The following MTX2 variants were observed in gnomAD, a reference collection of about 807,000 sequenced individuals.
MTX2 encodes metaxin 2.
MTX2 carries 35 observed loss-of-function variants against 42.3 expected under a neutral mutation model. That is an observed-to-expected ratio of 0.83 (90% CI 0.63 to 1.10). The LOEUF is 1.10. MTX2 is among the 50% of genes least tolerant of loss of function. The pLI is 0.00. For missense variants in MTX2, 307 were observed against 304.1 expected (o/e 1.01, Z -0.07); for synonymous variants, 119 against 100.9 (o/e 1.18, Z -1.08).
At chr2:176,275,982 G>A (rs889626536) in intron 1 of MTX2, among the ~76,000 whole-genome samples, 4 of 152,160 alleles carry the variant, frequency 2.6e-5, no homozygotes, top group African/African-American at 9.7e-5. Flanking sequence ...GTCTAACCTG[G>A]GTTCTTATTC....
chr2:176,296,788 G>A, intron 1 of MTX2, 72 bp from the exon 2 acceptor site: 2 of 1,467,506 alleles, frequency 1.4e-6, no homozygotes, highest in South Asian at 2.3e-5. Context: ...AAATGTACAT[G>A]CTTATTAATT....
chr2:176,333,506 A>G (rs1684908390), intron 9 of MTX2, among the ~76,000 whole-genome samples: 1 of 151,690 alleles, frequency 6.6e-6, no homozygotes, highest in Admixed American at 6.6e-5. Flanking sequence ...ATCAACTAAA[A>G]TATTATTTGT....
chr2:176,328,766 G>T (rs577240538), intron 6 of MTX2, 108 bp from the exon 7 acceptor site: 2 of 1,009,186 alleles, frequency 2.0e-6, no homozygotes, highest in East Asian at 4.8e-5. Flanking sequence ...CGCTACATGT[G>T]TGACTTATGA....
chr2:176,315,262 C>T (rs1274092375), intron 3 of MTX2, among the ~76,000 whole-genome samples: 3 of 152,214 alleles, frequency 2.0e-5, no homozygotes, highest in Non-Finnish European at 4.4e-5. Context: ...CCACCAAAAA[C>T]TGCTCACCCC....
At chr2:176,289,911 A>G (rs1236681061) in intron 1 of MTX2, among the ~76,000 whole-genome samples, 1 of 152,100 alleles carries the variant, frequency 6.6e-6, no homozygotes, top group Non-Finnish European at 1.5e-5. Flanking sequence ...GTAATTGAGA[A>G]GCCAAGTTTT....
chr2:176,335,512 C>T (rs1253602717), intron 9 of MTX2, among the ~76,000 whole-genome samples: 2 of 151,924 alleles, frequency 1.3e-5, no homozygotes, highest in Non-Finnish European at 2.9e-5. Context: ...AGCAGTAAGA[C>T]ACTTTAGGAG....
At chr2:176,326,763 A>G in intron 4 of MTX2, 62 bp from the exon 5 acceptor site, 1 of 1,061,184 alleles carries the variant, frequency 9.4e-7, no homozygotes, top group Non-Finnish European at 1.3e-6. Context: ...ATTTTTTTTA[A>G]TTATCACAAA....
At chr2:176,322,979 A>G (rs1440684414) in intron 3 of MTX2, among the ~76,000 whole-genome samples, 1 of 151,890 alleles carries the variant, frequency 6.6e-6, no homozygotes, top group Non-Finnish European at 1.5e-5. Context: ...GTTTTCCTCT[A>G]AAATGAGGAA....
chr2:176,301,832 A>T (rs1206593800), intron 3 of MTX2, among the ~76,000 whole-genome samples: 2 of 152,152 alleles, frequency 1.3e-5, no homozygotes, highest in African/African-American at 4.8e-5. Context: ...TTGAAATGGG[A>T]TAAAGATAGT....
intron 1 of MTX2, 57 bp downstream of exon 1, chr2:176,269,726 G>C (rs1040784126): frequency 7.8e-6 from 12 of 1,546,456 alleles, no homozygotes; most frequent in Middle Eastern, 2.2e-4. Context: ...GGAGCCGCGT[G>C]GGGTACAGGG....
chr2:176,272,247 G>A (rs2105390391), intron 1 of MTX2, among the ~76,000 whole-genome samples: 1 of 152,106 alleles, frequency 6.6e-6, no homozygotes, highest in African/African-American at 2.4e-5. Context: ...AGGCTGAGGG[G>A]GACAGAGGTG....
At chr2:176,317,807 T>C (rs1257038254) in intron 3 of MTX2, among the ~76,000 whole-genome samples, 1 of 152,114 alleles carries the variant, frequency 6.6e-6, no homozygotes, top group Non-Finnish European at 1.5e-5. Context: ...TCCCTCTAGC[T>C]CAGTTTCTCC....
rs540927606 is a variant in MTX2, at chr2:176,294,699, A to G, written c.41-2161A>G. Among the ~76,000 whole-genome samples, 34 of 152,366 alleles carry G rather than the reference A, an allele frequency of 2.2e-4. 1 individual carries two copies. The South Asian group carries it at 6.0e-3, about 27-fold the overall frequency. ...AGAGAACACTTAAATCATATTCAGC[A>G]TATGTTTAATGCTAGTGTATGTAAA... is the stretch of plus-strand genomic sequence containing the variant. On this transcript the variant is annotated intron_variant, in intron 1 of 9. Coordinates refer to ENST00000249442, the MANE Select transcript of MTX2 (RefSeq NM_006554.5).
chr2:176,316,379 T>C (rs1031210080), intron 3 of MTX2, among the ~76,000 whole-genome samples: 2 of 152,204 alleles, frequency 1.3e-5, no homozygotes, highest in South Asian at 2.1e-4. Flanking sequence ...CCTTGCTCTT[T>C]ATTTTATTTA....
intron 3 of MTX2, among the ~76,000 whole-genome samples, chr2:176,305,400 G>A (rs567805522): frequency 1.6e-4 from 25 of 152,046 alleles, no homozygotes; most frequent in Non-Finnish European, 3.1e-4. Context: ...TTCATTGAGT[G>A]CTAACTATGT....
chr2:176,322,177 A>G (rs1427671082), intron 3 of MTX2, among the ~76,000 whole-genome samples: 1 of 152,082 alleles, frequency 6.6e-6, no homozygotes, highest in Admixed American at 6.6e-5. Flanking sequence ...GAGAAAACAG[A>G]AGAGAATTGA....
chr2:176,327,363 T>C (rs1684733008), intron 5 of MTX2, among the ~76,000 whole-genome samples: 1 of 151,032 alleles, frequency 6.6e-6, no homozygotes, highest in Non-Finnish European at 1.5e-5. Flanking sequence ...CAACTCCCAT[T>C]AGTGTTTCTG....
rs1041397256 is a variant in MTX2, at chr2:176,309,807, T to C, written c.135+11912T>C. On this transcript the variant is annotated intron_variant, in intron 3 of 9. Transcript: ENST00000249442. ...TTGAGCCTGTGTGCCTCTTTGCACA[T>C]GAGATGCATCTCCTGAATACAGCAC... is the stretch of plus-strand genomic sequence containing the variant. Among the ~76,000 whole-genome samples the C allele has an allele frequency of 2.0e-5, 3 of 149,112 alleles. No individual in the cohort carries two copies. The Admixed American group carries it at 2.0e-4, about 10-fold the overall frequency.
chr2:176,290,400 A>G (rs1693300571), intron 1 of MTX2, among the ~76,000 whole-genome samples: 1 of 152,142 alleles, frequency 6.6e-6, no homozygotes, highest in African/African-American at 2.4e-5. Context: ...GCTCTAGAGT[A>G]CATGAATGAC....
Sources: gnomAD v4.1 joint callset for allele counts (sites outside exome capture counted in the v4.1 genomes callset) on GRCh38, gnomAD v4.1.1 for gene constraint, MANE v1.5 for transcripts, NCBI Gene and HGNC (gene_info 2026-07-23, HGNC 2026-07-21) for gene names.